Variants in LDLRAD3 observed in about 807,000 individuals in gnomAD.
The protein encoded by LDLRAD3 is low density lipoprotein receptor class A domain containing 3.
A neutral mutation model predicts 29.4 loss-of-function variants in LDLRAD3; 20 were observed. The ratio of observed to expected loss-of-function variants is 0.68; its 90% CI spans 0.48 to 0.99. LDLRAD3 has a LOEUF of 0.99. Among genes scored for constraint, LDLRAD3 ranks in the 50% least tolerant of loss-of-function variants. LDLRAD3 has a pLI of 0.00. For missense variants in LDLRAD3, 420 were observed against 454.3 expected (o/e 0.92, Z 0.69); for synonymous variants, 157 against 192.7 (o/e 0.81, Z 1.53).
At chr11:36,191,164 C>T (rs1191356580) in intron 4 of LDLRAD3, among the ~76,000 whole-genome samples, 5 of 152,088 alleles carry the variant, frequency 3.3e-5, no homozygotes, top group Non-Finnish European at 5.9e-5. Context: ...AGGGTGGCGG[C>T]TGTGTATCAG....
intron 4 of LDLRAD3, among the ~76,000 whole-genome samples, chr11:36,144,686 C>T (rs1385567706): frequency 1.6e-5 from 2 of 123,082 alleles, no homozygotes; most frequent in Admixed American, 7.5e-5. Flanking sequence ...GGAGCCCCTC[C>T]GCCCGGCAGC....
intron 2 of LDLRAD3, among the ~76,000 whole-genome samples, chr11:36,071,564 T>C (rs1169882055): frequency 6.6e-6 from 1 of 152,230 alleles, no homozygotes; most frequent in Non-Finnish European, 1.5e-5. Context: ...GTACCAGTAG[T>C]TATTGACAAG....
chr11:35,953,210 AT>A (rs1851159209), intron 1 of LDLRAD3, among the ~76,000 whole-genome samples: 1 of 152,184 alleles, frequency 6.6e-6, no homozygotes, highest in Non-Finnish European at 1.5e-5. Context: ...TGACAGACAA[AT>A]AGCGCAGTGT....
intron 1 of LDLRAD3, among the ~76,000 whole-genome samples, chr11:35,992,563 A>T (rs1851703666): frequency 6.6e-6 from 1 of 152,254 alleles, no homozygotes; most frequent in South Asian, 2.1e-4. Flanking sequence ...GAACCTTGGA[A>T]ATATTATGCT....
chr11:36,030,062 G>A lies in LDLRAD3; in HGVS notation c.47-6041G>A, dbSNP rs1040586266. On this transcript the variant is annotated intron_variant, in intron 1 of 5. Transcript: ENST00000315571. ...CCTGGGCTGTCTTCCTTGAACAGAT[G>A]GGTAAATGGAGGCTGGGGCTACTGG... Among the ~76,000 whole-genome samples, 4 of 152,162 alleles carry A rather than the reference G, an allele frequency of 2.6e-5. No individual in the cohort carries two copies. The East Asian group carries it at 7.7e-4, about 29-fold the overall frequency.
At chr11:36,039,469 C>A in intron 2 of LDLRAD3, among the ~76,000 whole-genome samples, 1 of 148,904 alleles carries the variant, frequency 6.7e-6, no homozygotes, top group African/African-American at 2.6e-5. Flanking sequence ...ATTTCCTCCT[C>A]TCCAAAATGG....
At chr11:35,957,777 C>T (rs1851221571) in intron 1 of LDLRAD3, among the ~76,000 whole-genome samples, 1 of 116,408 alleles carries the variant, frequency 8.6e-6, no homozygotes, top group African/African-American at 3.5e-5. Flanking sequence ...GCCTGGGTGA[C>T]AGAGTGAGAC....
At chr11:36,071,133 G>T (rs1852894674) in intron 2 of LDLRAD3, among the ~76,000 whole-genome samples, 1 of 152,190 alleles carries the variant, frequency 6.6e-6, no homozygotes, top group Non-Finnish European at 1.5e-5. Flanking sequence ...AAGAGACAGA[G>T]ATGGATGGAG....
At chr11:36,131,581 G>A (rs763040701) in intron 4 of LDLRAD3, among the ~76,000 whole-genome samples, 5 of 152,092 alleles carry the variant, frequency 3.3e-5, no homozygotes, top group Non-Finnish European at 7.4e-5. Flanking sequence ...GGGATGCTTT[G>A]CCTTTTAAAA....
chr11:35,998,160 G>A (rs565337231), intron 1 of LDLRAD3, among the ~76,000 whole-genome samples: 29 of 152,222 alleles, frequency 1.9e-4, no homozygotes, highest in African/African-American at 6.7e-4. Context: ...CTGAGGAGGT[G>A]TTTACCACCT....
intron 2 of LDLRAD3, among the ~76,000 whole-genome samples, chr11:36,040,032 A>G (rs1019567479): frequency 1.3e-5 from 2 of 152,180 alleles, no homozygotes; most frequent in Non-Finnish European, 2.9e-5. Flanking sequence ...CTTATGAGCT[A>G]CAAAGCCCTT....
At chr11:36,105,450 T>A (rs1397119213) in intron 4 of LDLRAD3, among the ~76,000 whole-genome samples, 3 of 152,056 alleles carry the variant, frequency 2.0e-5, no homozygotes, top group African/African-American at 7.3e-5. Flanking sequence ...AATTCTTGTG[T>A]TAATGTCCTA....
intron 1 of LDLRAD3, among the ~76,000 whole-genome samples, chr11:35,964,370 T>C (rs1851313386): frequency 6.6e-6 from 1 of 152,016 alleles, no homozygotes; most frequent in Admixed American, 6.6e-5. Flanking sequence ...GGGACTTGGG[T>C]GAGAGCGAGG....
intron 4 of LDLRAD3, among the ~76,000 whole-genome samples, chr11:36,133,223 A>G (rs1350353498): frequency 1.5e-5 from 2 of 136,348 alleles, no homozygotes; most frequent in Non-Finnish European, 3.2e-5. Flanking sequence ...TTTAGTTGAG[A>G]TGGGGCCTTG....
chr11:36,058,799 A>C (rs1421832661), intron 2 of LDLRAD3, among the ~76,000 whole-genome samples: 1 of 152,222 alleles, frequency 6.6e-6, no homozygotes, highest in African/African-American at 2.4e-5. Context: ...ATATGGATAG[A>C]GGCTAGGAAA....
chr11:36,032,308 G>A (rs1335866399), intron 1 of LDLRAD3, among the ~76,000 whole-genome samples: 1 of 152,186 alleles, frequency 6.6e-6, no homozygotes, highest in Non-Finnish European at 1.5e-5. Context: ...ACAGCAGGGG[G>A]CACTGAGATG....
At chr11:35,956,884 C>T (rs186119805) in intron 1 of LDLRAD3, among the ~76,000 whole-genome samples, 27 of 152,190 alleles carry the variant, frequency 1.8e-4, no homozygotes, top group African/African-American at 6.5e-4. Context: ...TACAGGCGCC[C>T]GCCACTACGC....
intron 3 of LDLRAD3, among the ~76,000 whole-genome samples, chr11:36,088,364 C>T (rs553254599): frequency 5.8e-4 from 88 of 152,214 alleles, no homozygotes; most frequent in Non-Finnish European, 8.8e-4. Flanking sequence ...AGAACTGAAA[C>T]GGCAGGGTTT....
chr11:36,140,700 C>T (rs1397620699), intron 4 of LDLRAD3, among the ~76,000 whole-genome samples: 1 of 152,092 alleles, frequency 6.6e-6, no homozygotes, highest in Non-Finnish European at 1.5e-5. Context: ...GGATTACAGA[C>T]GTGAGCCACC....
Sources: gnomAD v4.1 joint callset for allele counts (sites outside exome capture counted in the v4.1 genomes callset) on GRCh38, gnomAD v4.1.1 for gene constraint, MANE v1.5 for transcripts, NCBI Gene and HGNC (gene_info 2026-07-23, HGNC 2026-07-21) for gene names.